Variants in PDE10A observed in about 807,000 individuals in gnomAD.
PDE10A encodes the protein phosphodiesterase 10A.
PDE10A carries 39 observed loss-of-function variants against 97.7 expected under a neutral mutation model. The ratio of observed to expected loss-of-function variants is 0.40; its 90% CI spans 0.31 to 0.52. PDE10A has a LOEUF of 0.52. PDE10A is among the 20% of genes least tolerant of loss of function. PDE10A has a pLI of 0.56. For missense variants in PDE10A, 731 were observed against 1,047.8 expected (o/e 0.70, Z 4.17); for synonymous variants, 371 against 376.8 (o/e 0.98, Z 0.18).
intron 1 of PDE10A, among the ~76,000 whole-genome samples, chr6:165,890,002 C>A (rs868298779): frequency 1.1e-5 from 1 of 88,108 alleles, no homozygotes; most frequent in African/African-American, 3.9e-5. Context: ...CTCCTCCCTC[C>A]CTCACTCCTC....
intron 1 of PDE10A, among the ~76,000 whole-genome samples, chr6:165,821,874 A>G (rs966957321): frequency 2.0e-5 from 3 of 148,758 alleles, no homozygotes; most frequent in Non-Finnish European, 3.0e-5. Flanking sequence ...ACTCATGGTC[A>G]GTTAACTGAA....
At chr6:165,428,054 C>T (rs1223264014) in intron 10 of PDE10A, among the ~76,000 whole-genome samples, 1 of 151,858 alleles carries the variant, frequency 6.6e-6, no homozygotes, top group East Asian at 1.9e-4. Context: ...GATGAGAAAA[C>T]TCTTTATTGC....
rs150841776 is a variant in PDE10A, at chr6:165,731,828, A to G, written c.-614-188260T>C. 5.7e-4 allele frequency among the ~76,000 whole-genome samples: 87 copies of G among 152,332 alleles called. No individual in the cohort carries two copies. In the East Asian group the frequency reaches 0.017, roughly 29 times the overall value. ...TTCAAGATTTTATATTACATTTTCA[A>G]TTGCCAACAAGAATCCAGGTAAGAA... On this transcript the variant is annotated intron_variant, in intron 1 of 19. Coordinates refer to the PDE10A transcript ENST00000366882.
At chr6:165,406,228 A>ATGTGTGTGTT (rs1554256589) in intron 13 of PDE10A, among the ~76,000 whole-genome samples, 113 of 140,512 alleles carry the variant, frequency 8.0e-4, no homozygotes, top group Non-Finnish European at 1.4e-3. Context: ...AGGGAAAAGG[A>ATGTGTGTGTT]TGTGTGTGTG....
intron 12 of PDE10A, among the ~76,000 whole-genome samples, chr6:165,414,557 T>C (rs1788167393): frequency 6.6e-6 from 1 of 152,244 alleles, no homozygotes; most frequent in Non-Finnish European, 1.5e-5. Context: ...ATTTTGTTCA[T>C]TCATTCCCAG....
intron 1 of PDE10A, among the ~76,000 whole-genome samples, chr6:165,546,160 TAAA>T (rs1482445707): frequency 1.3e-5 from 2 of 152,006 alleles, no homozygotes; most frequent in African/African-American, 4.8e-5. Context: ...AAAGCCAGTC[TAAA>T]AAGGATACAT....
intron 21 of PDE10A, 91 bp downstream of exon 21, chr6:165,336,032 G>A: frequency 1.0e-6 from 1 of 993,034 alleles, no homozygotes. Context: ...CAAACACACA[G>A]ACCACAACAC....
intron 2 of PDE10A, among the ~76,000 whole-genome samples, chr6:165,496,664 G>A (rs1780554779): frequency 6.6e-6 from 1 of 152,150 alleles, no homozygotes; most frequent in Admixed American, 6.5e-5. Flanking sequence ...AAGAGACCAC[G>A]TCTAGTATTT....
Position 165,386,155 on chromosome 6 carries a change from G to A in PDE10A, c.2610+2143C>T, listed in dbSNP as rs1017114489. 4.6e-5 allele frequency among the ~76,000 whole-genome samples: 7 copies of A among 152,032 alleles called. No homozygotes were observed. The East Asian group carries it at 9.6e-4, about 21-fold the overall frequency. ...AAGTAATCTGCAAGCCCCACATCGC[G>A]GAGGGTTTGCCAAAATGGAGGCAAA... On this transcript the variant is annotated intron_variant, in intron 17 of 21. Transcript: ENST00000539869.
intron 2 of PDE10A, among the ~76,000 whole-genome samples, chr6:165,513,624 G>C (rs1472309120): frequency 1.3e-5 from 2 of 152,048 alleles, no homozygotes; most frequent in African/African-American, 4.8e-5. Context: ...GGATCAATTT[G>C]GGGAGAATTG....
At chr6:165,905,419 T>C (rs1002215756) in intron 1 of PDE10A, among the ~76,000 whole-genome samples, 1 of 152,184 alleles carries the variant, frequency 6.6e-6, no homozygotes, top group African/African-American at 2.4e-5. Context: ...ATCTTTTATA[T>C]GTATTCATCT....
intron 3 of PDE10A, among the ~76,000 whole-genome samples, chr6:165,476,202 T>G (rs1018607461): frequency 6.6e-6 from 1 of 151,628 alleles, no homozygotes; most frequent in African/African-American, 2.4e-5. Flanking sequence ...AGCGTTAGTA[T>G]TATACTAGAA....
At chr6:165,823,781 G>C (rs997462524) in intron 1 of PDE10A, among the ~76,000 whole-genome samples, 1 of 151,828 alleles carries the variant, frequency 6.6e-6, no homozygotes, top group African/African-American at 2.4e-5. Flanking sequence ...ACGTTAAGAA[G>C]ACTATGACGT....
intron 1 of PDE10A, among the ~76,000 whole-genome samples, chr6:165,630,511 T>C (rs1243734999): frequency 1.3e-5 from 2 of 152,156 alleles, no homozygotes; most frequent in African/African-American, 2.4e-5. Context: ...AAAAAGATTT[T>C]AGAAATCCCA....
At chr6:165,645,920 T>G (rs572291290) in intron 1 of PDE10A, among the ~76,000 whole-genome samples, 1 of 151,606 alleles carries the variant, frequency 6.6e-6, no homozygotes, top group East Asian at 1.9e-4. Context: ...ACTGCTAAAT[T>G]TGACTACAAA....
intron 1 of PDE10A, among the ~76,000 whole-genome samples, chr6:165,709,068 C>G (rs188111049): frequency 8.8e-6 from 1 of 113,348 alleles, no homozygotes; most frequent in South Asian, 3.6e-4. Context: ...CATGCTTCCG[C>G]GCTCTTCCTC....
intron 1 of PDE10A, among the ~76,000 whole-genome samples, chr6:165,942,884 G>T (rs1423961919): frequency 6.6e-6 from 1 of 152,034 alleles, no homozygotes; most frequent in Non-Finnish European, 1.5e-5. Context: ...GTTCCACTGT[G>T]ATTGGTAAAT....
At chr6:165,627,565 T>G (rs1788444344) in intron 1 of PDE10A, among the ~76,000 whole-genome samples, 1 of 152,168 alleles carries the variant, frequency 6.6e-6, no homozygotes, top group Admixed American at 6.5e-5. Flanking sequence ...GATGCCCTGC[T>G]GCACCCAAGC....
intron 1 of PDE10A, among the ~76,000 whole-genome samples, chr6:165,759,043 GTC>G (rs911338884): frequency 2.0e-5 from 3 of 152,306 alleles, no homozygotes; most frequent in Admixed American, 6.5e-5. Context: ...ATGTCCGTGG[GTC>G]CAGTGTCCAC....
Sources: allele counts gnomAD v4.1 joint callset (sites outside exome capture counted in the v4.1 genomes callset), GRCh38; gene constraint gnomAD v4.1.1; transcripts MANE v1.5; gene names NCBI Gene and HGNC (gene_info 2026-07-23, HGNC 2026-07-21).